ITCH: variants seen among roughly 807,000 people sequenced by gnomAD.
ITCH encodes the protein E3 ubiquitin-protein ligase Itchy homolog.
Under a neutral mutation model 126.8 loss-of-function variants are expected in ITCH, and 28 were observed. The observed-to-expected ratio is 0.22, with a 90% CI of 0.16 to 0.30. The LOEUF is 0.30. ITCH is among the 10% of genes least tolerant of loss of function. The pLI is 1.00. For missense variants in ITCH, 631 were observed against 1,032.4 expected (o/e 0.61, Z 5.33); for synonymous variants, 342 against 340.0 (o/e 1.01, Z -0.06).
intron 17 of ITCH, among the ~76,000 whole-genome samples, chr20:34,479,320 A>G (rs1389164643): frequency 6.6e-6 from 1 of 152,224 alleles, no homozygotes; most frequent in Non-Finnish European, 1.5e-5. Flanking sequence ...ATTTTATAAT[A>G]TCTCTGAAAT....
intron 2 of ITCH, among the ~76,000 whole-genome samples, chr20:34,375,039 C>T (rs1046566426): frequency 2.7e-5 from 4 of 150,630 alleles, no homozygotes; most frequent in Admixed American, 1.3e-4. Context: ...CCACGCCTGG[C>T]GTGATTTTTT....
intron 16 of ITCH, chr20:34,476,290 C>G (rs1052734930): frequency 3.0e-5 from 26 of 881,194 alleles, no homozygotes; most frequent in Middle Eastern, 6.6e-4. Context: ...ATCTTCTGAG[C>G]TGCTCCGCGC....
intron 14 of ITCH, chr20:34,466,229 C>T: frequency 2.7e-6 from 1 of 365,032 alleles, no homozygotes; most frequent in Non-Finnish European, 5.4e-6. Context: ...GTTGATTTTT[C>T]ATAGGTTGAA....
intron 20 of ITCH, among the ~76,000 whole-genome samples, chr20:34,485,409 C>T (rs1316040417): frequency 6.6e-6 from 1 of 152,176 alleles, no homozygotes; most frequent in Non-Finnish European, 1.5e-5. Flanking sequence ...AGAGTTGCTT[C>T]ACGTTCTTGC....
At chr20:34,445,486 CTAA>C (rs1984341105) in intron 11 of ITCH, 25 bp downstream of exon 11, 1 of 1,608,248 alleles carries the variant, frequency 6.2e-7, no homozygotes, top group Non-Finnish European at 8.5e-7. Flanking sequence ...GTTTAATAAA[CTAA>C]TAAGAGTATT....
Position 34,449,531 on chromosome 20 carries a change from C to T in ITCH, c.1210+51C>T, listed in dbSNP as rs3736762. On this transcript the variant is annotated intron_variant, in intron 12 of 24. Transcript: ENST00000374864. ...AGTTCTGTCATTTCATTTTTGTTCTCTTCCAATTGTGTCATTTTAAAACAG... is the reference window on the plus strand; with the variant it reads ...AGTTCTGTCATTTCATTTTTGTTCTTTTCCAATTGTGTCATTTTAAAACAG... 0.48 allele frequency: 575,808 copies of T among 1,193,640 alleles called. 143,032 individuals are homozygous for T. Among genetic ancestry groups the T allele is most frequent in the Middle Eastern group, 0.54 (2,786 of 5,164 alleles). 73.9% of individuals were successfully genotyped at this position (1,193,640 alleles called of 1,614,324 possible). A position where few individuals can be genotyped will look rare whatever the true frequency, so the allele number is the denominator to read the frequency against.
intron 14 of ITCH, among the ~76,000 whole-genome samples, chr20:34,468,782 C>G (rs539121694): frequency 4.5e-5 from 6 of 132,798 alleles, no homozygotes; most frequent in African/African-American, 1.7e-4. Context: ...CAGAGCAAGA[C>G]TCCATCTCAA....
At chr20:34,467,678 ATTTTTT>A (rs147009659) in intron 14 of ITCH, among the ~76,000 whole-genome samples, 1 of 98,054 alleles carries the variant, frequency 1.0e-5, no homozygotes, top group Non-Finnish European at 2.0e-5. Flanking sequence ...TTTCTTTTTC[ATTTTTT>A]TTTTTTTTTT....
At chr20:34,507,290 G>GTTTTTTTTTTTTTTGTT (rs372382674) in intron 24 of ITCH, among the ~76,000 whole-genome samples, 1 of 70,006 alleles carries the variant, frequency 1.4e-5, no homozygotes, top group Non-Finnish European at 2.7e-5. Context: ...TTTTTTTTTT[G>GTTTTTTTTTTTTTTGTT]GTTGTTGTTG....
intron 2 of ITCH, among the ~76,000 whole-genome samples, chr20:34,370,619 G>T (rs989073990): frequency 6.7e-6 from 1 of 149,648 alleles, no homozygotes; most frequent in Non-Finnish European, 1.5e-5. Flanking sequence ...AGCCAAGATC[G>T]TGCCACTATA....
intron 20 of ITCH, among the ~76,000 whole-genome samples, chr20:34,481,572 A>T (rs979832398): frequency 8.6e-5 from 13 of 151,938 alleles, no homozygotes; most frequent in Non-Finnish European, 7.4e-5. Flanking sequence ...GGCAATTTAT[A>T]AAAAAAAGAG....
chr20:34,434,812 T>A (rs1982789723), intron 7 of ITCH, among the ~76,000 whole-genome samples: 1 of 152,206 alleles, frequency 6.6e-6, no homozygotes, highest in South Asian at 2.1e-4. Flanking sequence ...GATTGATTTC[T>A]AAACAATATA....
At chr20:34,455,629 A>AT (rs71194608) in intron 12 of ITCH, among the ~76,000 whole-genome samples, 4,412 of 144,864 alleles carry the variant, frequency 0.03, 228 homozygotes, top group African/African-American at 0.1. Flanking sequence ...TGCCTGGCTA[A>AT]TTTTTTTTTT....
intron 6 of ITCH, among the ~76,000 whole-genome samples, chr20:34,415,724 A>T (rs1484810237): frequency 6.6e-6 from 1 of 152,230 alleles, no homozygotes; most frequent in East Asian, 1.9e-4. Context: ...ATAAATTGGA[A>T]GTCTGGAAGA....
At chr20:34,488,815 A>G (rs1989315711) in intron 20 of ITCH, among the ~76,000 whole-genome samples, 1 of 152,242 alleles carries the variant, frequency 6.6e-6, no homozygotes, top group African/African-American at 2.4e-5. Flanking sequence ...AGGCAGGAAG[A>G]TCACTTGAGG....
At chr20:34,437,292 A>G (rs1983140985) in intron 7 of ITCH, among the ~76,000 whole-genome samples, 1 of 152,120 alleles carries the variant, frequency 6.6e-6, no homozygotes, top group Non-Finnish European at 1.5e-5. Flanking sequence ...AATTTAATAC[A>G]TGGTACTGCC....
At chr20:34,503,439 G>A (rs984020735) in intron 23 of ITCH, among the ~76,000 whole-genome samples, 1 of 152,124 alleles carries the variant, frequency 6.6e-6, no homozygotes, top group African/African-American at 2.4e-5. Context: ...TAAATGAGGG[G>A]CAAGTATTTT....
At chr20:34,502,983 G>GC (rs1468292385) in intron 23 of ITCH, among the ~76,000 whole-genome samples, 1 of 152,152 alleles carries the variant, frequency 6.6e-6, no homozygotes, top group Non-Finnish European at 1.5e-5. Context: ...CTGCCATCCA[G>GC]CCAGGGTGAC....
At chr20:34,486,151 A>C (rs1989096346) in intron 20 of ITCH, among the ~76,000 whole-genome samples, 1 of 151,820 alleles carries the variant, frequency 6.6e-6, no homozygotes, top group African/African-American at 2.4e-5. Flanking sequence ...GGTAGCTGGA[A>C]CCACAGGCAT....
Sources: gnomAD v4.1 joint callset for allele counts (sites outside exome capture counted in the v4.1 genomes callset) on GRCh38, gnomAD v4.1.1 for gene constraint, MANE v1.5 for transcripts, NCBI Gene and HGNC (gene_info 2026-07-23, HGNC 2026-07-21) for gene names.